Variants in AIMP1 observed in about 807,000 individuals in gnomAD.
AIMP1 encodes the protein aminoacyl tRNA synthase complex-interacting multifunctional protein 1.
A neutral mutation model predicts 33.1 loss-of-function variants in AIMP1; 24 were observed. The ratio of observed to expected loss-of-function variants is 0.73; its 90% confidence interval spans 0.53 to 1.02. The LOEUF (loss-of-function observed/expected upper bound fraction) is 1.02, where lower values mean the gene tolerates loss of function less well. Ranked by LOEUF, AIMP1 falls within the 50% of genes least tolerant of loss-of-function variation. The pLI, the probability that AIMP1 is intolerant of heterozygous loss-of-function variation, is 0.00. For synonymous variants in AIMP1, 120 were observed against 121.5 expected (o/e 0.99, Z 0.08); for missense variants, 367 against 364.8 (o/e 1.01, Z -0.05).
intron 4 of AIMP1, among the ~76,000 whole-genome samples, chr4:106,330,320 A>G (rs1372987284): frequency 1.3e-5 from 2 of 152,238 alleles, no homozygotes; most frequent in Non-Finnish European, 2.9e-5. Context: ...CATATACTTT[A>G]TCACACAAAA....
chr4:106,346,999 C>G lies in AIMP1; in HGVS notation c.773-527C>G, dbSNP rs111631914. On this transcript the variant is annotated intron_variant, in intron 6 of 6. Transcript: ENST00000672341. Reference sequence around the variant, plus strand: ...CAGTCAAAGCAAGTCAAAGCAAGAGCGAGCATCTTACGTGGCAGGAGCAGG... The same window carrying G: ...CAGTCAAAGCAAGTCAAAGCAAGAGGGAGCATCTTACGTGGCAGGAGCAGG... 3.7e-3 allele frequency among the ~76,000 whole-genome samples: 564 copies of G among 152,128 alleles called. 3 individuals are homozygous for G. Among genetic ancestry groups the G allele is most frequent in the African/African-American group, 0.013 (538 of 41,514 alleles).
intron 2 of AIMP1, among the ~76,000 whole-genome samples, chr4:106,325,445 T>C (rs1481400765): frequency 6.6e-6 from 1 of 151,990 alleles, no homozygotes; most frequent in East Asian, 1.9e-4. Context: ...ACTTTATCAA[T>C]TTTTTTCTAA....
rs1221168166 is a variant in AIMP1 at position 106,337,056 on chromosome 4, T to A, written c.772+19T>A. The stretch of plus-strand genomic sequence containing the variant: ...TTCCCAGGTAGGTATTTATTAGTAA[T>A]TACTTAATAGTTTCGGAATCAGTTC... On this transcript the variant is annotated intron_variant, in intron 6 of 6. Transcript: ENST00000672341. The A allele has an allele frequency of 3.7e-6, 6 of 1,606,552 alleles. No homozygotes were observed. The highest frequency in any genetic ancestry group is 4.3e-6 in the Non-Finnish European group (5 of 1,173,268).
At chr4:106,343,980 T>C (rs1364290689) in intron 6 of AIMP1, among the ~76,000 whole-genome samples, 1 of 152,218 alleles carries the variant, frequency 6.6e-6, no homozygotes, top group Non-Finnish European at 1.5e-5. Context: ...AAACCCATTT[T>C]AATCAGGTTT....
chr4:106,331,645 G>A, intron 4 of AIMP1, 27 bp from the exon 5 acceptor site: 1 of 1,596,410 alleles, frequency 6.3e-7, no homozygotes, highest in Non-Finnish European at 8.6e-7. Context: ...TATTTCTGAT[G>A]TTTACCCATT....
chr4:106,333,716 A>G (rs1029707388), intron 5 of AIMP1, among the ~76,000 whole-genome samples: 2 of 152,164 alleles, frequency 1.3e-5, no homozygotes, highest in Non-Finnish European at 1.5e-5. Flanking sequence ...AGAGCTGGGT[A>G]TTTGGAATAT....
chr4:106,338,898 C>T (rs1769993394), intron 6 of AIMP1, among the ~76,000 whole-genome samples: 1 of 152,194 alleles, frequency 6.6e-6, no homozygotes, highest in South Asian at 2.1e-4. Context: ...TGTGGGAGCC[C>T]ACCTGTTGCA....
At chr4:106,328,374 A>C in intron 4 of AIMP1, 131 bp downstream of exon 4, 1 of 1,164,598 alleles carries the variant, frequency 8.6e-7, no homozygotes, top group African/African-American at 1.5e-5. Context: ...ATTAGGAACA[A>C]TATGATATTG....
intron 4 of AIMP1, among the ~76,000 whole-genome samples, chr4:106,330,752 G>A (rs1769645324): frequency 6.6e-6 from 1 of 152,154 alleles, no homozygotes; most frequent in African/African-American, 2.4e-5. Flanking sequence ...TTAAATAAAT[G>A]TATAGTTGAG....
At chr4:106,318,944 GT>G (rs1047774047) in intron 1 of AIMP1, among the ~76,000 whole-genome samples, 1 of 151,740 alleles carries the variant, frequency 6.6e-6, no homozygotes, top group African/African-American at 2.4e-5. Flanking sequence ...ATTCAATAGT[GT>G]TTTTTTTCAT....
intron 1 of AIMP1, 127 bp downstream of exon 1, chr4:106,316,721 G>A: frequency 1.2e-6 from 1 of 855,012 alleles, no homozygotes; most frequent in South Asian, 1.7e-5. Context: ...TCCGTTCGCA[G>A]CAGGACCAGC....
At chr4:106,340,052 A>T (rs1356322577) in intron 6 of AIMP1, among the ~76,000 whole-genome samples, 1 of 152,204 alleles carries the variant, frequency 6.6e-6, no homozygotes, top group Admixed American at 6.5e-5. Flanking sequence ...TATTTATCTC[A>T]TATAAGAGGA....
intron 5 of AIMP1, among the ~76,000 whole-genome samples, chr4:106,336,424 T>C (rs1044252300): frequency 6.6e-6 from 1 of 151,776 alleles, no homozygotes; most frequent in Non-Finnish European, 1.5e-5. Flanking sequence ...CATGTGTAAA[T>C]GTGTCCATTT....
At chr4:106,331,590 G>T in intron 4 of AIMP1, 82 bp from the exon 5 acceptor site, 1 of 1,214,868 alleles carries the variant, frequency 8.2e-7, no homozygotes, top group Non-Finnish European at 1.2e-6. Flanking sequence ...TAAGCTCATT[G>T]GTATGGATAC....
intron 5 of AIMP1, among the ~76,000 whole-genome samples, 165 bp downstream of exon 5, chr4:106,332,048 C>A (rs1435609196): frequency 6.6e-6 from 1 of 151,990 alleles, no homozygotes; most frequent in East Asian, 1.9e-4. Context: ...AAGCATAAAA[C>A]CACCAAAAAC....
At chr4:106,334,003 C>G (rs1448560120) in intron 5 of AIMP1, among the ~76,000 whole-genome samples, 3 of 152,136 alleles carry the variant, frequency 2.0e-5, no homozygotes, top group Non-Finnish European at 4.4e-5. Context: ...TAAATGTCCT[C>G]TTTCTAGATG....
At position 106,349,303 on chromosome 4, in the gene AIMP1, T is replaced by G. The variant is rs2125931726; in HGVS notation, c.*1611T>G. ...AATATAATTTAAATAATATTTCAAC[T>G]ACCTAGGTAGTTGAAATTTTCCCAA... On this transcript the variant is annotated 3_prime_UTR_variant, in exon 7 of 7. Coordinates refer to ENST00000672341, the MANE Select transcript of AIMP1 (RefSeq NM_001142416.2). 6.6e-6 allele frequency: 1 copy of G among 152,006 alleles called. No individual in the cohort carries two copies. 9.4% of individuals were successfully genotyped at this position (152,006 alleles called of 1,614,324 possible). A position where few individuals can be genotyped will look rare whatever the true frequency, so the allele number is the denominator to read the frequency against.
chr4:106,323,400 C>A (rs1395298069), intron 1 of AIMP1, among the ~76,000 whole-genome samples: 1 of 151,866 alleles, frequency 6.6e-6, no homozygotes, highest in African/African-American at 2.4e-5. Context: ...TATTTATGAG[C>A]ATTATTCTTT....
In AIMP1 at chr4:106,328,094, C is replaced by T; in HGVS notation, c.242C>T (p.Pro81Leu). Residue 81 changes from proline to leucine, a missense_variant, in exon 4 of 7, where the codon CCA becomes CTA. Coordinates refer to ENST00000672341, the MANE Select transcript of AIMP1 (RefSeq NM_001142416.2). ...IQNGVKQIPF[P>L]SGTPLHANSM... The stretch of plus-strand genomic sequence containing the variant: ...GTCTCAGTGAAGCAAATACCATTTC[C>T]ATCTGGTACTCCACTGCACGCTAAT... 1.2e-6 allele frequency: 2 copies of T among 1,612,712 alleles called. No homozygotes were observed. The highest frequency in any genetic ancestry group is 1.7e-6 in the Non-Finnish European group (2 of 1,179,066).
Sources: gnomAD v4.1 joint callset for allele counts (sites outside exome capture counted in the v4.1 genomes callset) on GRCh38, gnomAD v4.1.1 for gene constraint, MANE v1.5 for transcripts, NCBI Gene and HGNC (gene_info 2026-07-23, HGNC 2026-07-21) for gene names.